The following LRRN2 variants were observed in gnomAD, a reference collection of about 807,000 sequenced individuals.
The protein encoded by LRRN2 is leucine rich repeat neuronal 2.
LRRN2 carries 10 observed loss-of-function variants against 35.7 expected under a neutral mutation model. The ratio of observed to expected loss-of-function variants is 0.28; its 90% CI spans 0.17 to 0.47. The LOEUF is 0.47. Among genes scored for constraint, LRRN2 ranks in the 20% least tolerant of loss-of-function variants. The pLI, the probability that LRRN2 is intolerant of heterozygous loss-of-function variation, is 0.99. For missense variants in LRRN2, 731 were observed against 940.3 expected (o/e 0.78, Z 2.91); for synonymous variants, 391 against 409.6 (o/e 0.95, Z 0.55).
chr1:204,683,038 G>A (rs1197829501), intron 1 of LRRN2: 1 of 152,228 alleles, frequency 6.6e-6, no homozygotes, highest in East Asian at 1.9e-4. Context: ...TCAAGAAACA[G>A]TTGTTGAATG....
chr1:204,655,873 G>C (rs913777121), intron 1 of LRRN2, among the ~76,000 whole-genome samples: 12 of 152,080 alleles, frequency 7.9e-5, no homozygotes, highest in Non-Finnish European at 1.8e-4. Context: ...AGAGCTCCAC[G>C]CTCCATATCT....
At chr1:204,649,994 T>C (rs959301801) in intron 1 of LRRN2, among the ~76,000 whole-genome samples, 4 of 152,224 alleles carry the variant, frequency 2.6e-5, no homozygotes, top group African/African-American at 9.6e-5. Context: ...TGATTACCTA[T>C]GAGCCTTGTA....
rs186561695 is a variant in LRRN2 at position 204,653,700 on chromosome 1, A to C, written c.-227+31620T>G. Among the ~76,000 whole-genome samples, 210 of 152,060 alleles carry C rather than the reference A, an allele frequency of 1.4e-3. 1 individual carries two copies. Among genetic ancestry groups the C allele is most frequent in the African/African-American group, 4.3e-3 (177 of 41,466 alleles). ...ACATAGTGAGACTCTGTCTCCACAAAATATTTAAAAAATTAGCCAGGTGTG... is the reference window on the plus strand; with the variant it reads ...ACATAGTGAGACTCTGTCTCCACAACATATTTAAAAAATTAGCCAGGTGTG... On this transcript the variant is annotated intron_variant, in intron 1 of 1. Coordinates refer to ENST00000367177, the MANE Select transcript of LRRN2 (RefSeq NM_201630.2).
intron 1 of LRRN2, among the ~76,000 whole-genome samples, chr1:204,669,466 G>A (rs539886116): frequency 1.3e-5 from 2 of 152,342 alleles, no homozygotes; most frequent in South Asian, 4.1e-4. Context: ...TCACAGCCTA[G>A]TGGCATAGAT....
chr1:204,669,495 C>A (rs1269853860), intron 1 of LRRN2, among the ~76,000 whole-genome samples: 3 of 152,288 alleles, frequency 2.0e-5, no homozygotes, highest in South Asian at 2.1e-4. Context: ...CTCTAATAAG[C>A]CCTAACTGTA....
chr1:204,655,667 A>G (rs1233122082), intron 1 of LRRN2, among the ~76,000 whole-genome samples: 2 of 151,394 alleles, frequency 1.3e-5, no homozygotes, highest in Non-Finnish European at 2.9e-5. Context: ...TCAAGCACCA[A>G]TTCCATGTAT....
Position 204,617,964 on chromosome 1 carries a change from G to C in LRRN2, c.2029C>G (p.Pro677Ala), listed in dbSNP as rs751517802. The C allele has an allele frequency of 1.4e-5, 22 of 1,613,794 alleles. No individual in the cohort carries two copies. The highest frequency in any genetic ancestry group is 1.8e-5 in the Non-Finnish European group (21 of 1,180,016). ...PAWAFWGWSA[P>A]SVRVVSAPLV... ...GGAGCAGACACAACCCGGACAGAAG[G>C]GGCACTCCAGCCCCAGAAAGCCCAG... is the stretch of plus-strand genomic sequence containing the variant. The change falls in exon 2 of 2, where the codon CCT (proline) becomes GCT (alanine). Residue 677 changes from proline (P) to alanine (A), a missense_variant. Transcript: ENST00000367177.
At chr1:204,641,802 C>G (rs546299149) in intron 1 of LRRN2, among the ~76,000 whole-genome samples, 1 of 152,376 alleles carries the variant, frequency 6.6e-6, no homozygotes, top group South Asian at 2.1e-4. Context: ...TTTGTAAGTG[C>G]AAAACTCCAG....
At position 204,618,454 on chromosome 1, in the gene LRRN2, A is replaced by G. The variant is rs144681714; in HGVS notation, c.1539T>C (p.Val513=). Residue 513 remains valine, a synonymous_variant, in exon 2 of 2, where the codon GTT becomes GTC. Transcript: ENST00000367177. ...CTGGCTGGAGGAGAGCACGGCCCAC[A>G]ACCACACTAACCGTCTTAGTGTCAG... is the stretch of plus-strand genomic sequence containing the variant. ...VGADTKTVSV[V]VGRALLQPGR... 5.8e-5 allele frequency: 94 copies of G among 1,614,162 alleles called. No homozygotes were observed. In the African/African-American group the frequency reaches 1.1e-3, roughly 18 times the overall value.
At chr1:204,644,260 C>G (rs1668051940) in intron 1 of LRRN2, among the ~76,000 whole-genome samples, 1 of 152,182 alleles carries the variant, frequency 6.6e-6, no homozygotes, top group Non-Finnish European at 1.5e-5. Context: ...CCATGAAGCT[C>G]TCCTTACAGT....
At chr1:204,652,783 C>T (rs1374967716) in intron 1 of LRRN2, among the ~76,000 whole-genome samples, 1 of 152,218 alleles carries the variant, frequency 6.6e-6, no homozygotes, top group Admixed American at 6.5e-5. Flanking sequence ...GCAGATTGAA[C>T]AGCTTCCAAG....
chr1:204,652,215 G>A (rs2102610038), intron 1 of LRRN2, among the ~76,000 whole-genome samples: 1 of 150,026 alleles, frequency 6.7e-6, no homozygotes, highest in South Asian at 2.1e-4. Flanking sequence ...ATGGGCCATG[G>A]GACCCTTCCC....
chr1:204,652,377 G>C (rs148722370), intron 1 of LRRN2, among the ~76,000 whole-genome samples: 1 of 150,688 alleles, frequency 6.6e-6, no homozygotes, highest in Non-Finnish European at 1.5e-5. Flanking sequence ...GCGCTGTTTC[G>C]AGTCAGGTAA....
chr1:204,622,986 G>T (rs529048797), intron 1 of LRRN2, among the ~76,000 whole-genome samples: 1 of 152,328 alleles, frequency 6.6e-6, no homozygotes, highest in East Asian at 1.9e-4. Context: ...TCATCCCTCA[G>T]GGTCAGGAGG....
chr1:204,621,878 CACTT>C (rs1558397628), intron 1 of LRRN2: 1 of 167,132 alleles, frequency 6.0e-6, no homozygotes, highest in East Asian at 1.9e-4. Context: ...AATGCACAAA[CACTT>C]ACTGAGCACC....
intron 1 of LRRN2, among the ~76,000 whole-genome samples, chr1:204,644,740 T>C (rs1364829747): frequency 6.6e-6 from 1 of 152,168 alleles, no homozygotes; most frequent in African/African-American, 2.4e-5. Flanking sequence ...ATCCCTAGCA[T>C]CCCCTCACTT....
rs915353571 is a variant in LRRN2, at chr1:204,685,393, G to A, written c.-300C>T. On this transcript the variant is annotated 5_prime_UTR_variant, in exon 1 of 2. Transcript: ENST00000367177. ...CTCCGCTCGCCTTCCGCCCGGGGCC[G>A]GGCTGGGGACGCTGGTCCGCGCCCT... is the stretch of plus-strand genomic sequence containing the variant. 93 of 151,612 alleles carry A rather than the reference G, an allele frequency of 6.1e-4. 1 individual carries two copies. The highest frequency in any genetic ancestry group is 1.0e-3 in the South Asian group (5 of 4,826). The allele number at this position is 151,612 out of a possible 1,614,324, so 9.4% of individuals were successfully genotyped here.
chr1:204,666,962 C>CA (rs34503593), intron 1 of LRRN2, among the ~76,000 whole-genome samples: 9,923 of 62,940 alleles, frequency 0.16, 532 homozygotes, highest in African/African-American at 0.23. Context: ...ACTCTGTCTC[C>CA]AAAAAAAAAA....
intron 1 of LRRN2, among the ~76,000 whole-genome samples, chr1:204,636,321 C>T (rs571037269): frequency 5.9e-5 from 9 of 152,292 alleles, no homozygotes; most frequent in African/African-American, 1.9e-4. Flanking sequence ...TTCACATGCA[C>T]ACAGAGGGGC....
Sources: allele counts gnomAD v4.1 joint callset (sites outside exome capture counted in the v4.1 genomes callset), GRCh38; gene constraint gnomAD v4.1.1; transcripts MANE v1.5; gene names NCBI Gene and HGNC (gene_info 2026-07-23, HGNC 2026-07-21).